Variants in SMCHD1 observed in about 807,000 individuals in gnomAD.
SMCHD1 encodes the protein structural maintenance of chromosomes flexible hinge domain containing 1.
Under a neutral mutation model 254.7 loss-of-function variants are expected in SMCHD1, and 78 were observed. The observed-to-expected ratio is 0.31, with a 90% CI of 0.26 to 0.37. The LOEUF is 0.37. SMCHD1 is among the 10% of genes least tolerant of loss of function. The pLI is 1.00. For missense variants in SMCHD1, 1,840 were observed against 2,408.1 expected (o/e 0.76, Z 4.94); for synonymous variants, 766 against 794.9 (o/e 0.96, Z 0.61).
intron 17 of SMCHD1, among the ~76,000 whole-genome samples, chr18:2,710,721 C>A (rs1415777959): frequency 8.5e-5 from 13 of 152,050 alleles, no homozygotes; most frequent in Non-Finnish European, 4.4e-5. Context: ...ATAGAAGTAA[C>A]CAAAATGAGA....
rs138477410 is a variant in SMCHD1, at chr18:2,743,191, G to A, written c.3634-570G>A. Among the ~76,000 whole-genome samples, 106 of 152,258 alleles carry A rather than the reference G, an allele frequency of 7.0e-4. 2 individuals carry two copies. The East Asian group carries it at 0.019, about 27-fold the overall frequency. On this transcript the variant is annotated intron_variant, in intron 28 of 47. Transcript: ENST00000320876. ...TCATTGATTCTCATTAATATGATGT[G>A]TTACGCATTATTCTAAGTAATAGAG...
At chr18:2,712,547 T>C (rs1330152328) in intron 17 of SMCHD1, among the ~76,000 whole-genome samples, 2 of 152,342 alleles carry the variant, frequency 1.3e-5, no homozygotes, top group Non-Finnish European at 1.5e-5. Flanking sequence ...CAACTTTTCA[T>C]ATACACAGGT....
chr18:2,694,502 G>C (rs767381028), intron 7 of SMCHD1, 25 bp from the exon 8 acceptor site: 15 of 1,503,752 alleles, frequency 1.0e-5, no homozygotes, highest in Non-Finnish European at 1.3e-5. Context: ...GATTTAATCT[G>C]TTGTATTTCT....
At chr18:2,756,793 TTAAA>T (rs984439512) in intron 34 of SMCHD1, among the ~76,000 whole-genome samples, 4 of 152,168 alleles carry the variant, frequency 2.6e-5, no homozygotes, top group Non-Finnish European at 4.4e-5. Context: ...AATAGATAAT[TTAAA>T]TAAATAGGCT....
Position 2,667,028 on chromosome 18 carries a change from T to G in SMCHD1, c.421T>G (p.Leu141Val), listed in dbSNP as rs2073459541. Reference sequence around the variant, plus strand: ...TTATGCCAGTGAAGGACAAAATCCTTTGCGTAAGTATCCCATTCATACTAA... The same window carrying G: ...TTATGCCAGTGAAGGACAAAATCCTGTGCGTAAGTATCCCATTCATACTAA... ...EYYASEGQNP[L>V]PFALAELIDN... is the part of the protein sequence containing the mutation. The change falls in exon 3 of 48, where the codon TTG becomes GTG. Residue 141 changes from leucine (L) to valine (V), a missense_variant. Leu to Val is a conservative substitution (Grantham distance 32, BLOSUM62 1). This residue lies in a region of SMCHD1 where 498 missense variants were observed against 743.5 expected (regional missense o/e 0.67). Coordinates refer to ENST00000320876, the MANE Select transcript of SMCHD1 (RefSeq NM_015295.3). 2 of 1,571,878 alleles carry G rather than the reference T, an allele frequency of 1.3e-6. No individual in the cohort carries two copies. Among genetic ancestry groups the G allele is most frequent in the African/African-American group, 2.7e-5 (2 of 74,022 alleles).
chr18:2,767,783 G>T (rs1002425567), intron 37 of SMCHD1, among the ~76,000 whole-genome samples: 3 of 151,412 alleles, frequency 2.0e-5, no homozygotes, highest in Admixed American at 6.6e-5. Context: ...TAGAGACAGG[G>T]TTTCACCATG....
intron 37 of SMCHD1, 144 bp downstream of exon 37, chr18:2,763,933 T>G: frequency 1.4e-6 from 1 of 738,112 alleles, no homozygotes; most frequent in Non-Finnish European, 2.1e-6. Context: ...ATATTTTCTG[T>G]TTTTGCTATT....
chr18:2,792,878 A>G (rs1173486214), intron 45 of SMCHD1, among the ~76,000 whole-genome samples: 2 of 152,072 alleles, frequency 1.3e-5, no homozygotes, highest in Non-Finnish European at 2.9e-5. Flanking sequence ...TCTCTCATGG[A>G]CCTGTCACCT....
At chr18:2,764,913 A>G (rs890978228) in intron 37 of SMCHD1, among the ~76,000 whole-genome samples, 1 of 152,312 alleles carries the variant, frequency 6.6e-6, no homozygotes. Flanking sequence ...GAGATAGGAT[A>G]TGCATATTTT....
At position 2,666,420 on chromosome 18, in the gene SMCHD1, A is replaced by G. The variant is rs72862910; in HGVS notation, c.262+188A>G. ...GGTTATATTTTTCAAGCTTGATTATAGAAAAATAGTTGATATCAGTTATGG... is the reference window on the plus strand; with the variant it reads ...GGTTATATTTTTCAAGCTTGATTATGGAAAAATAGTTGATATCAGTTATGG... On this transcript the variant is annotated intron_variant, in intron 2 of 47. Transcript: ENST00000320876. Among the ~76,000 whole-genome samples, 1,012 of 152,366 alleles carry G rather than the reference A, an allele frequency of 6.6e-3. 3 individuals carry two copies. The highest frequency in any genetic ancestry group is 0.012 in the Admixed American group (177 of 15,306).
chr18:2,707,760 G>C (rs753189194), intron 16 of SMCHD1, 47 bp from the exon 17 acceptor site: 107 of 1,532,588 alleles, frequency 7.0e-5, no homozygotes, highest in Non-Finnish European at 9.5e-5. Context: ...GGCAGATTCA[G>C]CAAATTTTTG....
chr18:2,704,950 A>G lies in SMCHD1; in HGVS notation c.1843-744A>G, dbSNP rs142100349. Among the ~76,000 whole-genome samples, 561 of 152,286 alleles carry G rather than the reference A, an allele frequency of 3.7e-3. 5 individuals are homozygous for G. The highest frequency in any genetic ancestry group is 6.0e-3 in the Non-Finnish European group (410 of 68,014). Reference sequence around the variant, plus strand: ...GGGATAAGCTGGTGAGACAGAAGGAAACTAGCAGAATGTGACATCCCTAGA... The same window carrying G: ...GGGATAAGCTGGTGAGACAGAAGGAGACTAGCAGAATGTGACATCCCTAGA... On this transcript the variant is annotated intron_variant, in intron 13 of 47. Transcript: ENST00000320876.
At position 2,752,526 on chromosome 18, in the gene SMCHD1, C is replaced by T. The variant is rs374154803; in HGVS notation, c.4320C>T (p.Asp1440=). ...GTTGTAATAAAATAAAAGATAATGA[C>T]AAAGAAGATGGCTGCTTCTATTTCA... The part of the protein sequence containing the change: ...TFSCNKIKDN[D]KEDGCFYFRD... The change falls in exon 34 of 48, where the codon GAC becomes GAT. Residue 1440 remains aspartate, a synonymous_variant. Coordinates refer to ENST00000320876, the MANE Select transcript of SMCHD1 (RefSeq NM_015295.3). 124 of 1,593,750 alleles carry T rather than the reference C, an allele frequency of 7.8e-5. No homozygotes were observed. Among genetic ancestry groups the T allele is most frequent in the Non-Finnish European group, 1.0e-4 (116 of 1,162,308 alleles).
intron 32 of SMCHD1, 77 bp downstream of exon 32, chr18:2,750,584 A>T: frequency 1.6e-6 from 2 of 1,253,682 alleles, no homozygotes; most frequent in Non-Finnish European, 2.2e-6. Context: ...TACTTATCCT[A>T]GGTTAAGTGT....
chr18:2,714,162 T>C (rs190266947), intron 17 of SMCHD1, among the ~76,000 whole-genome samples: 38 of 152,340 alleles, frequency 2.5e-4, no homozygotes, highest in Non-Finnish European at 5.0e-4. Flanking sequence ...GTTTTATGAA[T>C]CTAGGCACTG....
intron 44 of SMCHD1, 104 bp from the exon 45 acceptor site, chr18:2,784,346 T>C: frequency 2.0e-6 from 2 of 1,003,366 alleles, no homozygotes; most frequent in Non-Finnish European, 2.8e-6. Flanking sequence ...AAAATACTAC[T>C]GTGATCCTGT....
At chr18:2,693,905 A>G (rs1289826529) in intron 7 of SMCHD1, among the ~76,000 whole-genome samples, 1 of 152,166 alleles carries the variant, frequency 6.6e-6, no homozygotes, top group Non-Finnish European at 1.5e-5. Flanking sequence ...TGCTGGGATT[A>G]CGGGAGTGAG....
intron 22 of SMCHD1, chr18:2,727,049 G>T (rs2075040606): frequency 6.5e-6 from 1 of 152,688 alleles, no homozygotes; most frequent in Admixed American, 6.6e-5. Flanking sequence ...CTATGCCTCA[G>T]TTTCTTCATG....
chr18:2,658,774 G>A (rs2073149430), intron 1 of SMCHD1, among the ~76,000 whole-genome samples: 1 of 151,746 alleles, frequency 6.6e-6, no homozygotes, highest in Non-Finnish European at 1.5e-5. Flanking sequence ...AACTGGGATT[G>A]GAATTTAGGT....
Sources: allele counts gnomAD v4.1 joint callset (sites outside exome capture counted in the v4.1 genomes callset), GRCh38; gene constraint gnomAD v4.1.1; regional missense constraint gnomAD v4.1.1; transcripts MANE v1.5; gene names NCBI Gene and HGNC (gene_info 2026-07-23, HGNC 2026-07-21).